Variants in DHH observed in about 807,000 individuals in gnomAD.
DHH encodes desert hedgehog protein.
DHH carries 16 observed loss-of-function variants against 27.6 expected under a neutral mutation model. The ratio of observed to expected loss-of-function variants is 0.58; its 90% CI spans 0.39 to 0.88. The LOEUF is 0.88. Ranked by LOEUF, DHH falls within the 40% of genes least tolerant of loss-of-function variation. DHH has a pLI of 0.00. For missense variants in DHH, 436 were observed against 563.1 expected (o/e 0.77, Z 2.28); for synonymous variants, 289 against 263.4 (o/e 1.10, Z -0.94).
Position 49,090,268 on chromosome 12 carries a change from G to A in DHH, c.782C>T (p.Pro261Leu). 1 of 1,573,398 alleles carries A rather than the reference G, an allele frequency of 6.4e-7. No homozygotes were observed. Among genetic ancestry groups the A allele is most frequent in the Non-Finnish European group, 8.6e-7 (1 of 1,160,180 alleles). Residue 261 changes from proline (P) to leucine (L), a missense_variant, in exon 3 of 3, where the codon CCT (proline) becomes CTT (leucine). Physicochemically the swap from Pro to Leu is moderately conservative, Grantham distance 98. Coordinates refer to ENST00000649637, the MANE Select transcript of DHH (RefSeq NM_021044.4). This position sits in a 1 kb window ranked among gnomAD's most constrained non-coding sequence, Gnocchi z 5.2. ...ASFVAVETEW[P>L]PRKLLLTPWH... ...GGGCGTGAGCAACAGTTTGCGTGGA[G>A]GCCACTCGGTCTCCACAGCCACAAA...
rs1312954590 is a variant in DHH, at chr12:49,087,423, A to G, written c.*2436T>C. Among the ~76,000 whole-genome samples, 1 of 152,210 alleles carries G rather than the reference A, an allele frequency of 6.6e-6. No homozygotes were observed. ...GTTAAAGGTTAAAACTGTAAGATAT[A>G]TGTATTACTGCTGGGCACAGGGGCT... is the stretch of plus-strand genomic sequence containing the variant. On this transcript the variant is annotated 3_prime_UTR_variant, in exon 3 of 3. Transcript: ENST00000649637.
In DHH at chr12:49,094,413, G is replaced by GGC. The variant is rs766441095; in HGVS notation, c.98_99dup (p.Arg34AlafsTer66). 1 of 1,610,594 alleles carries GGC rather than the reference G, an allele frequency of 6.2e-7. No individual in the cohort carries two copies. The highest frequency in any genetic ancestry group is 8.5e-7 in the Non-Finnish European group (1 of 1,178,794). On this transcript the variant is annotated frameshift_variant, in exon 1 of 3. Transcript: ENST00000649637. LOFTEE classifies it high-confidence loss of function. ...GGCACGAGCTGCTTGCGCGCATAGC[G>GGC]GCGCCGGCCAACCGGCCCCCGGCCC...
At position 49,086,922 on chromosome 12, in the gene DHH, T is replaced by A. The variant is rs997774693; in HGVS notation, c.*2937A>T. On this transcript the variant is annotated 3_prime_UTR_variant, in exon 3 of 3. Coordinates refer to ENST00000649637, the MANE Select transcript of DHH (RefSeq NM_021044.4). ...TTTAGTGGAGTGGTGAGGAAAGAAG[T>A]GATCGGAAGGCAGCAAAGTCAGTCA... Among the ~76,000 whole-genome samples, 3 of 152,162 alleles carry A rather than the reference T, an allele frequency of 2.0e-5. No homozygotes were observed. Among genetic ancestry groups the A allele is most frequent in the African/African-American group, 7.2e-5 (3 of 41,436 alleles).
At chr12:49,094,183 G>C in intron 1 of DHH, 27 bp downstream of exon 1, 1 of 1,612,774 alleles carries the variant, frequency 6.2e-7, no homozygotes, top group South Asian at 1.1e-5. Context: ...CAGTGCCCCG[G>C]CGCAGGTAGG....
In DHH at chr12:49,090,051, C is replaced by A. The variant is rs1048887138; in HGVS notation, c.999G>T (p.Thr333=). Residue 333 remains threonine (T), a synonymous_variant, in exon 3 of 3, where the codon ACG becomes ACT. Coordinates refer to ENST00000649637, the MANE Select transcript of DHH (RefSeq NM_021044.4). The surrounding 1 kb of genome is among the most constrained non-coding windows in gnomAD (Gnocchi z 5.2). The part of the protein sequence containing the change: ...GVFAPLTAHG[T]LLVNDVLASC... Reference sequence around the variant, plus strand: ...AGGCCAGGACATCGTTCACCAGCAGCGTCCCGTGCGCGGTGAGCGGCGCGA... The same window carrying A: ...AGGCCAGGACATCGTTCACCAGCAGAGTCCCGTGCGCGGTGAGCGGCGCGA... 6.5e-7 allele frequency: 1 copy of A among 1,543,228 alleles called. No individual in the cohort carries two copies. Among genetic ancestry groups the A allele is most frequent in the Non-Finnish European group, 8.7e-7 (1 of 1,145,542 alleles).
At chr12:49,093,517 A>C (rs911040381) in intron 1 of DHH, among the ~76,000 whole-genome samples, 1 of 152,214 alleles carries the variant, frequency 6.6e-6, no homozygotes, top group Admixed American at 6.5e-5. Context: ...AAAGCCCCTG[A>C]GATAGGCAGA....
chr12:49,091,483 A>G lies in DHH; in HGVS notation c.304-94T>C. 2 of 1,529,172 alleles carry G rather than the reference A, an allele frequency of 1.3e-6. No homozygotes were observed. Among genetic ancestry groups the G allele is most frequent in the South Asian group, 1.2e-5 (1 of 85,430 alleles). 94.7% of individuals were successfully genotyped at this position (1,529,172 alleles called of 1,614,324 possible). A position where few individuals can be genotyped will look rare whatever the true frequency, so the allele number is the denominator to read the frequency against. On this transcript the variant is annotated intron_variant, in intron 1 of 2. Coordinates refer to ENST00000649637, the MANE Select transcript of DHH (RefSeq NM_021044.4). The surrounding 1 kb of genome is among the most constrained non-coding windows in gnomAD (Gnocchi z 4.8). ...GTTGATTCTTTGTTATTCCGGCCCTACTCTTACCCCTCCCAGCTTTTGAGT... is the reference window on the plus strand; with the variant it reads ...GTTGATTCTTTGTTATTCCGGCCCTGCTCTTACCCCTCCCAGCTTTTGAGT...
In DHH at chr12:49,094,279, C is replaced by T. The variant is rs370468314; in HGVS notation, c.234G>A (p.Val78=). The T allele has an allele frequency of 2.0e-4, 323 of 1,613,474 alleles. 1 individual carries two copies. Among genetic ancestry groups the T allele is most frequent in the Admixed American group, 5.3e-4 (32 of 60,026 alleles). ...AGATGATGTCGGGGTTGTAGTTGGG[C>T]ACGAGGTCCCGGAAGCGCTCGGAGC... ...ARGSERFRDL[V]PNYNPDIIFK... is the part of the protein sequence containing the mutation. Residue 78 remains valine, a synonymous_variant, in exon 1 of 3, where the codon GTG becomes GTA. Coordinates refer to ENST00000649637, the MANE Select transcript of DHH (RefSeq NM_021044.4).
rs35343506 is a variant in DHH at position 49,090,667 on chromosome 12, CTATGTATG to C, written c.566-191_566-184del. ...TTTCTTTTCCTTTTTCTTCTCTTTT[CTATGTATG>C]TATGTATGTATGTATGTATGTATGT... On this transcript the variant is annotated intron_variant, in intron 2 of 2. Transcript: ENST00000649637. The surrounding 1 kb of genome is among the most constrained non-coding windows in gnomAD (Gnocchi z 5.2). 0.017 allele frequency among the ~76,000 whole-genome samples: 2,482 copies of C among 145,670 alleles called. 51 individuals carry two copies. Among genetic ancestry groups the C allele is most frequent in the African/African-American group, 0.05 (1,985 of 39,552 alleles).
Position 49,087,587 on chromosome 12 carries a change from C to T in DHH, c.*2272G>A, listed in dbSNP as rs1387761531. ...GCATAGCGGCATGCACCTGTAGTCC[C>T]AGCTACTTGAGAGGCTGAGGTGGGA... On this transcript the variant is annotated 3_prime_UTR_variant, in exon 3 of 3. Transcript: ENST00000649637. Among the ~76,000 whole-genome samples, 1 of 152,124 alleles carries T rather than the reference C, an allele frequency of 6.6e-6. No homozygotes were observed. Among genetic ancestry groups the T allele is most frequent in the Non-Finnish European group, 1.5e-5 (1 of 68,020 alleles).
Position 49,090,569 on chromosome 12 carries a change from A to C in DHH, c.566-85T>G. ...AAGGCCAGCGCAGATATCGCCAGTCATGGACAACACAATTTTCCGTTAATC... is the reference window on the plus strand; with the variant it reads ...AAGGCCAGCGCAGATATCGCCAGTCCTGGACAACACAATTTTCCGTTAATC... On this transcript the variant is annotated intron_variant, in intron 2 of 2. Transcript: ENST00000649637. The surrounding 1 kb of genome is among the most constrained non-coding windows in gnomAD (Gnocchi z 5.2). The C allele has an allele frequency of 6.5e-7, 1 of 1,543,356 alleles. No homozygotes were observed.
chr12:49,093,077 A>G (rs577111789), intron 1 of DHH: 8 of 152,346 alleles, frequency 5.3e-5, no homozygotes, highest in East Asian at 3.9e-4. Context: ...TGGAAAGTAT[A>G]TAGGGCTTAG....
Position 49,086,672 on chromosome 12 carries a change from A to T in DHH, c.*3187T>A, listed in dbSNP as rs1939216625. ...CTTCATAAATTCTCAAAACAAGATT[A>T]CTTTTAATTATACTTCTTCAGAAAA... On this transcript the variant is annotated 3_prime_UTR_variant, in exon 3 of 3. Coordinates refer to ENST00000649637, the MANE Select transcript of DHH (RefSeq NM_021044.4). Among the ~76,000 whole-genome samples the T allele has an allele frequency of 6.6e-6, 1 of 152,246 alleles. No homozygotes were observed. The highest frequency in any genetic ancestry group is 1.5e-5 in the Non-Finnish European group (1 of 68,046).
rs1371852524 is a variant in DHH, at chr12:49,088,908, C to G, written c.*951G>C. Among the ~76,000 whole-genome samples, 3 of 152,230 alleles carry G rather than the reference C, an allele frequency of 2.0e-5. No individual in the cohort carries two copies. In the South Asian group the frequency reaches 6.2e-4, roughly 31 times the overall value. ...AATATTCCAGCCTCTTACTGTGCCC[C>G]CCTTCCTTTTTCAGGCCATGACTAT... On this transcript the variant is annotated 3_prime_UTR_variant, in exon 3 of 3. Coordinates refer to ENST00000649637, the MANE Select transcript of DHH (RefSeq NM_021044.4).
chr12:49,090,149 G>A lies in DHH; in HGVS notation c.901C>T (p.Leu301=). Residue 301 remains leucine, a synonymous_variant, in exon 3 of 3, where the codon CTG becomes TTG. Transcript: ENST00000649637. The surrounding 1 kb of genome is among the most constrained non-coding windows in gnomAD (Gnocchi z 5.2). Reference sequence around the variant, plus strand: ...CGAAGCGCATCCCCGCCGGGCGCCAGCACCGAGTCCCCAGCGCGTAGCCGG... The same window carrying A: ...CGAAGCGCATCCCCGCCGGGCGCCAACACCGAGTCCCCAGCGCGTAGCCGG... ...ARRLRAGDSV[L]APGGDALRPA... is the part of the protein sequence containing the mutation. The A allele has an allele frequency of 6.5e-7, 1 of 1,535,562 alleles. No homozygotes were observed. Among genetic ancestry groups the A allele is most frequent in the Admixed American group, 2.0e-5 (1 of 49,824 alleles).
At chr12:49,092,234 G>C (rs759599352) in intron 1 of DHH, 1 of 152,484 alleles carries the variant, frequency 6.6e-6, no homozygotes, top group Non-Finnish European at 1.5e-5. Flanking sequence ...TGCCAGTCCG[G>C]AGAGCCCCTA....
chr12:49,093,124 C>CT (rs1352672474), intron 1 of DHH: 1 of 152,196 alleles, frequency 6.6e-6, no homozygotes, highest in Non-Finnish European at 1.5e-5. Flanking sequence ...AGCCATGCCA[C>CT]TTTAAATTGT....
chr12:49,090,361 G>A lies in DHH; in HGVS notation c.689C>T (p.Ala230Val), dbSNP rs2120823674. The change falls in exon 3 of 3, where the codon GCG becomes GTG. Residue 230 changes from alanine to valine, a missense_variant. Physicochemically the swap from Ala to Val is moderately conservative, Grantham distance 64. Transcript: ENST00000649637. This position sits in a 1 kb window ranked among gnomAD's most constrained non-coding sequence, Gnocchi z 5.2. ...HRGDWVLAADASGRVVPTPVL... is the reference protein window; with the variant it reads ...HRGDWVLAADVSGRVVPTPVL... ...CGGCGTGGGCACCACCCGGCCTGAC[G>A]CATCGGCCGCCAAAACCCAGTCTCC... 1.9e-6 allele frequency: 3 copies of A among 1,608,878 alleles called. 1 individual carries two copies. The South Asian group carries it at 3.3e-5, about 18-fold the overall frequency.
chr12:49,093,632 C>T (rs1250744576), intron 1 of DHH, among the ~76,000 whole-genome samples: 2 of 152,136 alleles, frequency 1.3e-5, no homozygotes, highest in South Asian at 4.1e-4. Context: ...CCTAGGATAG[C>T]CCTAGAATAG....
Sources: gnomAD v4.1 joint callset for allele counts (sites outside exome capture counted in the v4.1 genomes callset) on GRCh38, gnomAD v4.1.1 for gene constraint, Gnocchi (gnomAD v3.1) non-coding constraint, MANE v1.5 for transcripts, NCBI Gene and HGNC (gene_info 2026-07-23, HGNC 2026-07-21) for gene names.